The following POGZ variants were observed in gnomAD, a reference collection of about 807,000 sequenced individuals.
The protein encoded by POGZ is pogo transposable element with ZNF domain.
In POGZ, 17 loss-of-function variants were observed where a neutral mutation model predicts 134.6. That is an observed-to-expected ratio of 0.13 (90% CI 0.09 to 0.19). The LOEUF is 0.19. POGZ is among the 10% of genes least tolerant of loss of function. The probability of loss-of-function intolerance (pLI) is 1.00; values close to 1 mark genes in which losing one functional copy is unlikely to be tolerated. For synonymous variants in POGZ, 693 were observed against 657.1 expected (o/e 1.05, Z -0.84); for missense variants, 1,306 against 1,769.7 (o/e 0.74, Z 4.70).
Position 151,408,939 on chromosome 1 carries a change from T to G in POGZ, c.1927-111A>C, listed in dbSNP as rs1476784023. 3.2e-6 allele frequency: 3 copies of G among 927,754 alleles called. No individual in the cohort carries two copies. In the African/African-American group the frequency reaches 4.9e-5, roughly 15 times the overall value. 57.5% of individuals were successfully genotyped at this position (927,754 alleles called of 1,614,324 possible). On this transcript the variant is annotated intron_variant, in intron 12 of 18. Coordinates refer to ENST00000271715, the MANE Select transcript of POGZ (RefSeq NM_015100.4). Reference sequence around the variant, plus strand: ...TCAACCATATCATTCTTCCCACCTTTCTGTTGATAATTTAAGAGAGTAAGA... The same window carrying G: ...TCAACCATATCATTCTTCCCACCTTGCTGTTGATAATTTAAGAGAGTAAGA...
intron 12 of POGZ, 21 bp from the exon 13 acceptor site, chr1:151,408,849 A>G: frequency 1.2e-6 from 2 of 1,607,664 alleles, no homozygotes; most frequent in Non-Finnish European, 1.7e-6. Context: ...GGAGGGAAAA[A>G]AAGAGACAAA....
At chr1:151,438,876 C>T (rs1660061405) in intron 3 of POGZ, 1 of 150,244 alleles carries the variant, frequency 6.7e-6, no homozygotes, top group Non-Finnish European at 1.5e-5. Flanking sequence ...GATCCCGTCT[C>T]AGGGAGAAAA....
intron 10 of POGZ, among the ~76,000 whole-genome samples, chr1:151,421,428 C>G (rs1656893698): frequency 6.6e-6 from 1 of 152,044 alleles, no homozygotes; most frequent in African/African-American, 2.4e-5. Context: ...TAAAATTACT[C>G]ATGAAGCTTG....
At chr1:151,445,228 A>T (rs1244246568) in intron 1 of POGZ, among the ~76,000 whole-genome samples, 2 of 152,188 alleles carry the variant, frequency 1.3e-5, no homozygotes, top group East Asian at 3.8e-4. Flanking sequence ...AAATGAAAAG[A>T]AAATCCAACT....
chr1:151,458,508 A>G (rs2102450074), intron 1 of POGZ, among the ~76,000 whole-genome samples: 1 of 151,830 alleles, frequency 6.6e-6, no homozygotes, highest in Admixed American at 6.5e-5. Context: ...GCAATCACTC[A>G]TTTTCCTCCT....
chr1:151,446,066 T>A (rs115000944), intron 1 of POGZ, among the ~76,000 whole-genome samples: 2,381 of 146,752 alleles, frequency 0.016, 83 homozygotes, highest in African/African-American at 0.059. Context: ...TTTTTTTTTT[T>A]AGCCCCGATC....
intron 1 of POGZ, among the ~76,000 whole-genome samples, chr1:151,446,628 C>A (rs139890513): frequency 6.6e-6 from 1 of 151,664 alleles, no homozygotes; most frequent in Non-Finnish European, 1.5e-5. Context: ...TGGTGGCACA[C>A]GCCTGTAATC....
Position 151,435,611 on chromosome 1 carries a change from G to C in POGZ, c.284-4770C>G, listed in dbSNP as rs375982149. 3.5e-3 allele frequency among the ~76,000 whole-genome samples: 524 copies of C among 151,856 alleles called. 5 individuals carry two copies. The highest frequency in any genetic ancestry group is 0.012 in the African/African-American group (502 of 41,418). ...AGGTTCAAGCGATTCTCCTGCCTCA[G>C]CCTCCCAAGTAGCTGGGACTACAGG... is the stretch of plus-strand genomic sequence containing the variant. On this transcript the variant is annotated intron_variant, in intron 3 of 18. Transcript: ENST00000271715.
chr1:151,436,397 A>G (rs1359481488), intron 3 of POGZ, among the ~76,000 whole-genome samples: 1 of 152,176 alleles, frequency 6.6e-6, no homozygotes, highest in Non-Finnish European at 1.5e-5. Context: ...AAGACATTTC[A>G]TATAGATGGA....
chr1:151,413,093 C>T lies in POGZ; in HGVS notation c.1679-697G>A, dbSNP rs559193066. ...TGCTGGGATTATAGGTGTGAGCCAC[C>T]GTGCCTGGGCTTTTTTTTTTTTTTT... On this transcript the variant is annotated intron_variant, in intron 10 of 18. Transcript: ENST00000271715. Among the ~76,000 whole-genome samples the T allele has an allele frequency of 1.8e-3, 263 of 145,836 alleles. 1 individual carries two copies. Among genetic ancestry groups the T allele is most frequent in the African/African-American group, 6.1e-3 (242 of 39,380 alleles).
chr1:151,418,391 AG>A (rs1319943220), intron 10 of POGZ, among the ~76,000 whole-genome samples: 1 of 152,114 alleles, frequency 6.6e-6, no homozygotes, highest in Non-Finnish European at 1.5e-5. Context: ...AAAAAAAAGT[AG>A]ATCTCATGGA....
At position 151,423,571 on chromosome 1, in the gene POGZ, G is replaced by C; in HGVS notation, c.1524-20C>G. ...ATGAATCTGTAATAAAGCACAAAGA[G>C]AAAGTACAGAAAACATAAAAAATTG... is the stretch of plus-strand genomic sequence containing the variant. On this transcript the variant is annotated intron_variant, in intron 9 of 18. Transcript: ENST00000271715. The C allele has an allele frequency of 1.3e-6, 2 of 1,570,420 alleles. No individual in the cohort carries two copies. The highest frequency in any genetic ancestry group is 1.7e-6 in the Non-Finnish European group (2 of 1,154,874).
In POGZ at chr1:151,423,994, G is replaced by C; in HGVS notation, c.1478C>G (p.Ser493Cys). The C allele has an allele frequency of 6.2e-7, 1 of 1,614,172 alleles. No individual in the cohort carries two copies. The highest frequency in any genetic ancestry group is 1.1e-5 in the South Asian group (1 of 91,082). The change falls in exon 9 of 19, where the codon TCT (serine) becomes TGT (cysteine). Residue 493 changes from serine to cysteine, a missense_variant. Physicochemically the swap from Ser to Cys is moderately radical, Grantham distance 112. Transcript: ENST00000271715. ...QLTNFPKVAT[S>C]FRCPHCTKRL... ...TTTGGTACAATGTGGGCATCGGAAAGATGTGGCGACCTTAGGGAAATTTGT... is the reference window on the plus strand; with the variant it reads ...TTTGGTACAATGTGGGCATCGGAAACATGTGGCGACCTTAGGGAAATTTGT...
intron 10 of POGZ, among the ~76,000 whole-genome samples, chr1:151,416,554 C>T (rs1427439347): frequency 6.6e-6 from 1 of 151,542 alleles, no homozygotes; most frequent in Admixed American, 6.6e-5. Flanking sequence ...ACCCTAGGGC[C>T]ATACAAGCTC....
chr1:151,417,710 AC>A (rs1353790340), intron 10 of POGZ, among the ~76,000 whole-genome samples: 7 of 150,810 alleles, frequency 4.6e-5, no homozygotes, highest in African/African-American at 1.7e-4. Flanking sequence ...ACACACACAC[AC>A]ACACACACAC....
At chr1:151,424,331 G>T in intron 8 of POGZ, 45 bp from the exon 9 acceptor site, 1 of 1,238,526 alleles carries the variant, frequency 8.1e-7, no homozygotes, top group Non-Finnish European at 1.1e-6. Context: ...CTGGGGGCTA[G>T]AATGTGCTAA....
intron 8 of POGZ, chr1:151,424,539 C>T (rs915357171): frequency 4.4e-5 from 16 of 366,342 alleles, no homozygotes; most frequent in African/African-American, 2.7e-4. Context: ...TATAACTTGG[C>T]TCTGAGCTCC....
chr1:151,433,220 C>A (rs181379098), intron 3 of POGZ, among the ~76,000 whole-genome samples: 2 of 152,092 alleles, frequency 1.3e-5, no homozygotes, highest in African/African-American at 4.8e-5. Context: ...TCCATGAAAC[C>A]CGTAAATACC....
chr1:151,413,024 G>C (rs542546417), intron 10 of POGZ, among the ~76,000 whole-genome samples: 1 of 151,320 alleles, frequency 6.6e-6, no homozygotes, highest in East Asian at 1.9e-4. Context: ...GGTTGGTCTC[G>C]AACTCCTGAC....
Sources: gnomAD v4.1 joint callset for allele counts (sites outside exome capture counted in the v4.1 genomes callset) on GRCh38, gnomAD v4.1.1 for gene constraint, MANE v1.5 for transcripts, NCBI Gene and HGNC (gene_info 2026-07-23, HGNC 2026-07-21) for gene names.